Variants in FAT3 observed in about 807,000 individuals in gnomAD.
FAT3 encodes the protein FAT atypical cadherin 3, also known as protocadherin Fat 3.
In FAT3, 95 loss-of-function variants were observed where a neutral mutation model predicts 310.2. That is an observed-to-expected ratio of 0.31 (90% CI 0.26 to 0.36). The LOEUF is 0.36. Among genes scored for constraint, FAT3 ranks in the 10% least tolerant of loss-of-function variants. FAT3 has a pLI of 1.00. For synonymous variants in FAT3, 2,314 were observed against 2,192.9 expected, an observed-to-expected ratio of 1.06 and a Z score of -1.54; for missense variants, 5,408 against 5,715.6, an observed-to-expected ratio of 0.95 and a Z score of 1.74.
chr11:92,699,945 G>C (rs1016582799), intron 4 of FAT3, among the ~76,000 whole-genome samples: 1 of 152,168 alleles, frequency 6.6e-6, no homozygotes, highest in Non-Finnish European at 1.5e-5. Context: ...AAAGGTAGAA[G>C]CTCCAGACCA....
chr11:92,836,662 T>G lies in FAT3; in HGVS notation c.10183T>G (p.Leu3395Val), dbSNP rs749008110. ...RDNEFTVDPV[L>V]GLVKVKKKLD... is the part of the protein sequence containing the mutation. ...CAATGAATTTACTGTAGATCCTGTC[T>G]TGGGACTTGTGAAAGTTAAGAAGAA... Residue 3395 changes from leucine to valine, a missense_variant, in exon 16 of 28, where the codon TTG becomes GTG. Physicochemically the swap from Leu to Val is conservative, Grantham distance 32 (BLOSUM62 1). This residue lies in a region of FAT3 where 4,588 missense variants were observed against 4,809.8 expected (regional missense o/e 0.95). Transcript: ENST00000525166. The G allele has an allele frequency of 3.1e-6, 5 of 1,613,674 alleles. No individual in the cohort carries two copies. Among genetic ancestry groups the G allele is most frequent in the Non-Finnish European group, 4.2e-6 (5 of 1,179,734 alleles).
At position 92,894,716 on chromosome 11, in the gene FAT3, G is replaced by T. The variant is rs969025517; in HGVS notation, c.*3603G>T. The T allele has an allele frequency of 6.6e-6, 1 of 152,124 alleles. No individual in the cohort carries two copies. Among genetic ancestry groups the T allele is most frequent in the Non-Finnish European group, 1.5e-5 (1 of 68,026 alleles). The allele number at this position is 152,124 out of a possible 1,614,324, so 9.4% of individuals were successfully genotyped here. A position where few individuals can be genotyped will look rare whatever the true frequency, so the allele number is the denominator to read the frequency against. ...TATGCCAGCTTTCCATGTACCCTTGGCCTGCCTATTCATGAAATGCCATAT... is the reference window on the plus strand; with the variant it reads ...TATGCCAGCTTTCCATGTACCCTTGTCCTGCCTATTCATGAAATGCCATAT... On this transcript the variant is annotated 3_prime_UTR_variant, in exon 28 of 28. Transcript: ENST00000525166.
Position 92,880,762 on chromosome 11 carries a change from G to A in FAT3, c.12159G>A (p.Thr4053=), listed in dbSNP as rs774036210. 17 of 1,613,788 alleles carry A rather than the reference G, an allele frequency of 1.1e-5. 2 individuals carry two copies. In the South Asian group the frequency reaches 1.8e-4, roughly 17 times the overall value. Residue 4053 remains threonine, a synonymous_variant, in exon 23 of 28, where the codon ACG becomes ACA. Coordinates refer to ENST00000525166, the MANE Select transcript of FAT3 (RefSeq NM_001367949.2). ...GYQCTCLSQF[T]GRNCESEITA... is the part of the protein sequence containing the mutation. ...AGTGTACCTGTCTCTCACAGTTTAC[G>A]GGGAGAAACTGTGAATCTGAGATTA...
rs149370491 is a variant in FAT3 at position 92,706,618 on chromosome 11, A to G, written c.3669+9173A>G. Reference sequence around the variant, plus strand: ...CATTTTTTTTAAAACACTGTCAGCCAACGAACCCCTGTTTTGCAACAGTTG... The same window carrying G: ...CATTTTTTTTAAAACACTGTCAGCCGACGAACCCCTGTTTTGCAACAGTTG... On this transcript the variant is annotated intron_variant, in intron 4 of 27. Transcript: ENST00000525166. Among the ~76,000 whole-genome samples the G allele has an allele frequency of 3.0e-3, 455 of 152,334 alleles. 3 individuals are homozygous for G. Among genetic ancestry groups the G allele is most frequent in the African/African-American group, 0.01 (424 of 41,586 alleles).
At chr11:92,595,597 C>T (rs1457204221) in intron 3 of FAT3, among the ~76,000 whole-genome samples, 1 of 152,140 alleles carries the variant, frequency 6.6e-6, no homozygotes, top group Non-Finnish European at 1.5e-5. Context: ...AAGAACAAGA[C>T]CTTTGTAACT....
Position 92,785,504 on chromosome 11 carries a change from A to C in FAT3, c.4336-4439A>C, listed in dbSNP as rs1174291397. Among the ~76,000 whole-genome samples the C allele has an allele frequency of 2.0e-5, 3 of 152,182 alleles. No individual in the cohort carries two copies. The East Asian group carries it at 5.8e-4, about 29-fold the overall frequency. ...CAAAAGACTGAAAGGAAAAACTTCTATAAGTGATAGGAAAATAACAGGTTA... is the reference window on the plus strand; with the variant it reads ...CAAAAGACTGAAAGGAAAAACTTCTCTAAGTGATAGGAAAATAACAGGTTA... On this transcript the variant is annotated intron_variant, in intron 7 of 27. Coordinates refer to ENST00000525166, the MANE Select transcript of FAT3 (RefSeq NM_001367949.2).
intron 7 of FAT3, among the ~76,000 whole-genome samples, chr11:92,789,200 G>A (rs1009607734): frequency 6.6e-6 from 1 of 152,076 alleles, no homozygotes; most frequent in East Asian, 1.9e-4. Context: ...TTACATGATG[G>A]GTGGGATTTG....
Position 92,733,094 on chromosome 11 carries a change from G to C in FAT3, c.3670-28762G>C, listed in dbSNP as rs904456308. ...AGAGGAGGGAAGATGTGGAGTAGGG[G>C]AGACAGGGGCAGTGGTTACACAAGG... On this transcript the variant is annotated intron_variant, in intron 4 of 27. Transcript: ENST00000525166. Among the ~76,000 whole-genome samples the C allele has an allele frequency of 2.6e-5, 4 of 152,206 alleles. No individual in the cohort carries two copies. The East Asian group carries it at 7.7e-4, about 29-fold the overall frequency.
At chr11:92,336,164 A>G in intron 1 of FAT3, 4 of 558,582 alleles carry the variant, frequency 7.2e-6, no homozygotes, top group Admixed American at 6.0e-5. Flanking sequence ...GCATCCTGTA[A>G]TCAGGCAGAT....
chr11:92,320,234 T>A (rs749271614), intron 1 of FAT3, among the ~76,000 whole-genome samples: 1 of 152,216 alleles, frequency 6.6e-6, no homozygotes, highest in Non-Finnish European at 1.5e-5. Context: ...TTTGGGAGAT[T>A]ACTTTTAGGT....
rs2136447808 is a variant in FAT3 at position 92,890,875 on chromosome 11, G to C, written c.13532G>C (p.Ser4511Thr). Residue 4511 changes from serine to threonine, a missense_variant, in exon 28 of 28, where the codon AGC (serine) becomes ACC (threonine). Ser to Thr is a moderately conservative substitution (Grantham distance 58). Transcript: ENST00000525166. The part of the protein sequence containing the change: ...NETDLVGPPA[S>T]CEFSTFAVSM... ...ACGGATTTGGTGGGCCCGCCTGCCA[G>C]CTGTGAATTTAGTACTTTTGCTGTG... 6.2e-7 allele frequency: 1 copy of C among 1,614,004 alleles called. No individual in the cohort carries two copies. Among genetic ancestry groups the C allele is most frequent in the South Asian group, 1.1e-5 (1 of 91,072 alleles).
chr11:92,539,721 C>G (rs1954378214), intron 3 of FAT3, among the ~76,000 whole-genome samples: 1 of 152,186 alleles, frequency 6.6e-6, no homozygotes, highest in South Asian at 2.1e-4. Context: ...GAAGAATTAT[C>G]TGTGCCCAGG....
At chr11:92,491,417 C>T (rs1012626577) in intron 2 of FAT3, among the ~76,000 whole-genome samples, 1 of 151,998 alleles carries the variant, frequency 6.6e-6, no homozygotes, top group Non-Finnish European at 1.5e-5. Context: ...ATTAATAGTG[C>T]TCAGCTGAGA....
At chr11:92,715,474 A>G (rs1944655455) in intron 4 of FAT3, among the ~76,000 whole-genome samples, 2 of 152,064 alleles carry the variant, frequency 1.3e-5, no homozygotes, top group South Asian at 4.1e-4. Flanking sequence ...ATAAATTATC[A>G]CTCATGAGAA....
chr11:92,814,031 C>A (rs2136220559), intron 13 of FAT3, among the ~76,000 whole-genome samples: 1 of 152,326 alleles, frequency 6.6e-6, no homozygotes, highest in Non-Finnish European at 1.5e-5. Flanking sequence ...TTCTGTCATG[C>A]AAGAACATCT....
At chr11:92,682,420 A>G (rs1296406031) in intron 3 of FAT3, among the ~76,000 whole-genome samples, 6 of 152,196 alleles carry the variant, frequency 3.9e-5, no homozygotes, top group Admixed American at 2.0e-4. Context: ...GAGCAGGCGC[A>G]TTACCTAATT....
At chr11:92,695,376 G>C (rs960318917) in intron 3 of FAT3, among the ~76,000 whole-genome samples, 4 of 152,034 alleles carry the variant, frequency 2.6e-5, no homozygotes, top group Non-Finnish European at 5.9e-5. Flanking sequence ...GCTAAGGAAG[G>C]AAAGTTACTC....
intron 3 of FAT3, among the ~76,000 whole-genome samples, chr11:92,696,040 G>C (rs1169847198): frequency 2.0e-5 from 3 of 151,976 alleles, no homozygotes; most frequent in Admixed American, 2.0e-4. Flanking sequence ...GTAGGTGATG[G>C]ATATGTTAAT....
At chr11:92,726,491 CTT>C (rs995023648) in intron 4 of FAT3, among the ~76,000 whole-genome samples, 2 of 152,040 alleles carry the variant, frequency 1.3e-5, no homozygotes, top group Non-Finnish European at 2.9e-5. Flanking sequence ...CTGATATACT[CTT>C]TGAATGGTTA....
Sources: gnomAD v4.1 joint callset for allele counts (sites outside exome capture counted in the v4.1 genomes callset) on GRCh38, gnomAD v4.1.1 for gene constraint, gnomAD v4.1.1 regional missense constraint, MANE v1.5 for transcripts, NCBI Gene and HGNC (gene_info 2026-07-23, HGNC 2026-07-21) for gene names.